The following ETFA variants were observed in gnomAD, a reference collection of about 807,000 sequenced individuals.
The protein encoded by ETFA is electron transfer flavoprotein subunit alpha, mitochondrial.
A neutral mutation model predicts 46.2 loss-of-function variants in ETFA; 22 were observed. That is an observed-to-expected ratio of 0.48 (90% CI 0.34 to 0.68). The LOEUF (loss-of-function observed/expected upper bound fraction) is 0.68. Among genes scored for constraint, ETFA ranks in the 30% least tolerant of loss-of-function variants. The probability of loss-of-function intolerance (pLI) is 0.01; values close to 1 mark genes in which losing one functional copy is unlikely to be tolerated. For synonymous variants in ETFA, 131 were observed against 139.9 expected, an observed-to-expected ratio of 0.94 and a Z score of 0.45; for missense variants, 345 against 401.1, an observed-to-expected ratio of 0.86 and a Z score of 1.19.
intron 9 of ETFA, among the ~76,000 whole-genome samples, chr15:76,255,963 A>T (rs2039341962): frequency 6.6e-6 from 1 of 151,824 alleles, no homozygotes; most frequent in Non-Finnish European, 1.5e-5. Context: ...AAGCAGTAAG[A>T]ATTATTAACC....
At chr15:76,289,675 A>T (rs2039739643) in intron 4 of ETFA, among the ~76,000 whole-genome samples, 2 of 152,234 alleles carry the variant, frequency 1.3e-5, no homozygotes, top group South Asian at 4.1e-4. Context: ...AAAAAATGAC[A>T]TATTTTAAAA....
At chr15:76,285,768 G>A (rs769723423) in intron 6 of ETFA, 30 bp from the exon 7 acceptor site, 6 of 1,244,952 alleles carry the variant, frequency 4.8e-6, no homozygotes, top group Non-Finnish European at 7.1e-6. Context: ...ATAAAACAAT[G>A]ACTATGATTT....
At chr15:76,275,197 C>T (rs533718330) in intron 8 of ETFA, among the ~76,000 whole-genome samples, 2 of 152,284 alleles carry the variant, frequency 1.3e-5, no homozygotes, top group African/African-American at 4.8e-5. Flanking sequence ...CCCCATAATG[C>T]TCTGCATGCT....
chr15:76,259,507 C>G, intron 9 of ETFA: 6 of 847,524 alleles, frequency 7.1e-6, no homozygotes, highest in South Asian at 5.3e-5. Flanking sequence ...TCAGTGTTTT[C>G]GATGCCAGCG....
intron 8 of ETFA, among the ~76,000 whole-genome samples, chr15:76,282,999 A>C (rs2039670093): frequency 6.6e-6 from 1 of 152,056 alleles, no homozygotes; most frequent in Non-Finnish European, 1.5e-5. Flanking sequence ...CCTTCTCATC[A>C]ATGTACTTTT....
At chr15:76,229,839 G>C (rs560863474) in intron 10 of ETFA, among the ~76,000 whole-genome samples, 1 of 152,166 alleles carries the variant, frequency 6.6e-6, no homozygotes, top group Non-Finnish European at 1.5e-5. Context: ...ATAAATGCAG[G>C]AATGTCAGAG....
intron 9 of ETFA, among the ~76,000 whole-genome samples, chr15:76,258,673 T>G (rs2039371523): frequency 6.6e-6 from 1 of 152,112 alleles, no homozygotes; most frequent in Non-Finnish European, 1.5e-5. Flanking sequence ...GACCCCCCAC[T>G]GCCATCCACA....
At chr15:76,251,055 C>T (rs552244348) in intron 9 of ETFA, among the ~76,000 whole-genome samples, 8 of 151,592 alleles carry the variant, frequency 5.3e-5, no homozygotes, top group East Asian at 1.9e-4. Context: ...AGGAATACAG[C>T]GAATATAAGC....
chr15:76,220,461 C>T (rs544898279), intron 11 of ETFA, among the ~76,000 whole-genome samples: 6 of 152,306 alleles, frequency 3.9e-5, no homozygotes, highest in African/African-American at 1.4e-4. Context: ...TATTTTAAAA[C>T]TTTTTCTCCC....
chr15:76,260,267 G>A (rs1330078368), intron 9 of ETFA: 1 of 1,175,266 alleles, frequency 8.5e-7, no homozygotes, highest in Middle Eastern at 1.9e-4. Context: ...TGAAGGACCG[G>A]GCTGCCCAGA....
chr15:76,270,429 ATAAATG>A (rs1303990634), intron 9 of ETFA, among the ~76,000 whole-genome samples: 7 of 152,246 alleles, frequency 4.6e-5, no homozygotes, highest in African/African-American at 1.7e-4. Flanking sequence ...ATACAGAAAT[ATAAATG>A]TAAATGTGTT....
At chr15:76,232,498 G>A (rs2039079240) in intron 9 of ETFA, among the ~76,000 whole-genome samples, 1 of 152,234 alleles carries the variant, frequency 6.6e-6, no homozygotes, top group South Asian at 2.1e-4. Context: ...GGCACTGAAG[G>A]TGGTTCTGTT....
intron 11 of ETFA, chr15:76,217,549 G>GA (rs1406270740): frequency 2.3e-6 from 1 of 442,914 alleles, no homozygotes; most frequent in Non-Finnish European, 4.6e-6. Context: ...GAAATGGCCT[G>GA]AGTTGGCTCC....
chr15:76,235,184 G>GC (rs1343186272), intron 9 of ETFA, among the ~76,000 whole-genome samples: 2 of 152,146 alleles, frequency 1.3e-5, no homozygotes, highest in Non-Finnish European at 2.9e-5. Context: ...CTCGTCCTTA[G>GC]CATAGTATCA....
At chr15:76,295,828 T>A in intron 1 of ETFA, 91 bp from the exon 2 acceptor site, 3 of 894,076 alleles carry the variant, frequency 3.4e-6, no homozygotes, top group Non-Finnish European at 3.4e-6. Flanking sequence ...ATGTATGCTT[T>A]AAAGAAAACT....
intron 9 of ETFA, among the ~76,000 whole-genome samples, chr15:76,244,750 C>A (rs191306896): frequency 6.6e-6 from 1 of 151,860 alleles, no homozygotes; most frequent in African/African-American, 2.4e-5. Flanking sequence ...AACACAGCTA[C>A]GACAAAGACT....
At chr15:76,263,861 A>G (rs1326032568) in intron 9 of ETFA, among the ~76,000 whole-genome samples, 1 of 152,128 alleles carries the variant, frequency 6.6e-6, no homozygotes, top group Non-Finnish European at 1.5e-5. Context: ...AAGGAAAACT[A>G]AAAAAAGTAT....
chr15:76,231,510 G>C (rs2039066039), intron 9 of ETFA, 112 bp from the exon 10 acceptor site: 1 of 651,068 alleles, frequency 1.5e-6, no homozygotes, highest in African/African-American at 1.8e-5. Flanking sequence ...AAATAAAATA[G>C]AGGCAAAATG....
intron 9 of ETFA, among the ~76,000 whole-genome samples, chr15:76,232,001 T>TACAC (rs367863036): frequency 1.1e-4 from 17 of 149,442 alleles, no homozygotes; most frequent in Non-Finnish European, 2.1e-4. Flanking sequence ...CACGTACACA[T>TACAC]ACACACACAC....
Sources: allele counts gnomAD v4.1 joint callset (sites outside exome capture counted in the v4.1 genomes callset), GRCh38; gene constraint gnomAD v4.1.1; transcripts MANE v1.5; gene names NCBI Gene and HGNC (gene_info 2026-07-23, HGNC 2026-07-21).